Variants in EBF2 observed in about 807,000 individuals in gnomAD.
EBF2 encodes transcription factor COE2.
Under a neutral mutation model 72.8 loss-of-function variants are expected in EBF2, and 21 were observed. That is an observed-to-expected ratio of 0.29 (90% CI 0.20 to 0.42). EBF2 has a LOEUF of 0.42. EBF2 is among the 10% of genes least tolerant of loss of function. The probability of loss-of-function intolerance (pLI) is 1.00; values close to 1 mark genes in which losing one functional copy is unlikely to be tolerated. For missense variants in EBF2, 637 were observed against 731.2 expected (o/e 0.87, Z 1.49); for synonymous variants, 299 against 274.2 (o/e 1.09, Z -0.89).
intron 6 of EBF2, among the ~76,000 whole-genome samples, chr8:26,000,263 C>T (rs1804702847): frequency 6.6e-6 from 1 of 152,142 alleles, no homozygotes; most frequent in Non-Finnish European, 1.5e-5. Context: ...CACAGTTTGG[C>T]TTGCTCCATT....
intron 6 of EBF2, among the ~76,000 whole-genome samples, chr8:25,977,325 C>G (rs1170094769): frequency 6.6e-6 from 1 of 152,176 alleles, no homozygotes; most frequent in Non-Finnish European, 1.5e-5. Flanking sequence ...GCAGTAGACA[C>G]TTGAGCCCAG....
intron 13 of EBF2, among the ~76,000 whole-genome samples, chr8:25,859,475 C>A (rs898557398): frequency 2.0e-5 from 3 of 152,100 alleles, no homozygotes; most frequent in African/African-American, 7.2e-5. Flanking sequence ...TATTCTCTGA[C>A]CTAGGACTTT....
intron 6 of EBF2, among the ~76,000 whole-genome samples, chr8:25,936,119 T>C (rs777867657): frequency 1.8e-4 from 28 of 152,172 alleles, no homozygotes; most frequent in Non-Finnish European, 4.1e-4. Flanking sequence ...TATGAAATCA[T>C]GTGGAAGCAA....
chr8:25,978,446 A>C (rs992664843), intron 6 of EBF2, among the ~76,000 whole-genome samples: 4 of 152,224 alleles, frequency 2.6e-5, no homozygotes, highest in African/African-American at 9.6e-5. Context: ...CAAATAAATC[A>C]GGAATGCTAT....
At chr8:25,894,954 G>A (rs1407456868) in intron 7 of EBF2, among the ~76,000 whole-genome samples, 2 of 152,148 alleles carry the variant, frequency 1.3e-5, no homozygotes, top group Non-Finnish European at 2.9e-5. Flanking sequence ...ATGCCTCATC[G>A]TCTCCTGTCA....
Position 26,033,133 on chromosome 8 carries a change from C to G in EBF2, c.503G>C (p.Ser168Thr). 6.2e-7 allele frequency: 1 copy of G among 1,614,124 alleles called. No individual in the cohort carries two copies. Among genetic ancestry groups the G allele is most frequent in the Non-Finnish European group, 8.5e-7 (1 of 1,180,010 alleles). ...TGGAGTCTCATTTCGGTTTCCACAG[C>G]TTTTCTTTTCGCAGCATCGACTGTA... Reference protein sequence around the residue: ...VMCSRCCEKKSCGNRNETPSD... With the variant: ...VMCSRCCEKKTCGNRNETPSD... Residue 168 changes from serine to threonine, a missense_variant, in exon 6 of 16, where the codon AGC becomes ACC. By Grantham distance (58) the Ser-to-Thr change is moderately conservative. Around this residue, in one of 3 missense-constraint regions of EBF2, gnomAD observed 204 missense variants for 301.2 expected, o/e 0.68. Coordinates refer to ENST00000520164, the MANE Select transcript of EBF2 (RefSeq NM_022659.4).
intron 6 of EBF2, among the ~76,000 whole-genome samples, chr8:25,925,130 CG>C (rs1563402324): frequency 6.6e-6 from 1 of 151,972 alleles, no homozygotes. Context: ...CAGAACCAAG[CG>C]GGGCACTACA....
chr8:25,943,690 C>G (rs1313758358), intron 6 of EBF2, among the ~76,000 whole-genome samples: 1 of 152,092 alleles, frequency 6.6e-6, no homozygotes, highest in Non-Finnish European at 1.5e-5. Context: ...AACTCCTCGT[C>G]CCTTAAAACG....
At chr8:25,864,969 T>G (rs1357707017) in intron 10 of EBF2, among the ~76,000 whole-genome samples, 1 of 152,010 alleles carries the variant, frequency 6.6e-6, no homozygotes, top group African/African-American at 2.4e-5. Flanking sequence ...GGCTAAATTT[T>G]TTTTTGCATT....
At chr8:25,909,198 T>C (rs1803087138) in intron 6 of EBF2, among the ~76,000 whole-genome samples, 2 of 152,128 alleles carry the variant, frequency 1.3e-5, no homozygotes, top group African/African-American at 4.8e-5. Context: ...AGGTTAGCAT[T>C]TGTCATATAT....
At chr8:25,925,755 G>A (rs1008059925) in intron 6 of EBF2, among the ~76,000 whole-genome samples, 3 of 152,128 alleles carry the variant, frequency 2.0e-5, no homozygotes, top group East Asian at 1.9e-4. Flanking sequence ...TGTGAGTCAC[G>A]ATGGGCTGTG....
intron 6 of EBF2, among the ~76,000 whole-genome samples, chr8:26,011,326 G>A (rs1450800655): frequency 1.3e-5 from 2 of 152,202 alleles, no homozygotes; most frequent in Non-Finnish European, 2.9e-5. Flanking sequence ...AGCGATAGCA[G>A]CGACCAATCA....
At chr8:25,853,179 A>G (rs1802017685) in intron 14 of EBF2, among the ~76,000 whole-genome samples, 1 of 152,230 alleles carries the variant, frequency 6.6e-6, no homozygotes, top group African/African-American at 2.4e-5. Context: ...TAAAAGTGCT[A>G]GTAGAGCTGT....
chr8:25,859,870 C>T (rs1802178763), intron 13 of EBF2, among the ~76,000 whole-genome samples: 1 of 152,020 alleles, frequency 6.6e-6, no homozygotes, highest in Non-Finnish European at 1.5e-5. Context: ...ATGAGCACTA[C>T]CACACCTGGC....
intron 6 of EBF2, among the ~76,000 whole-genome samples, chr8:25,997,506 G>T (rs1804652943): frequency 6.6e-6 from 1 of 150,756 alleles, no homozygotes. Context: ...AGGAGGTTGA[G>T]ACTGCAGTGA....
intron 6 of EBF2, among the ~76,000 whole-genome samples, chr8:25,947,318 G>A (rs960126718): frequency 7.2e-5 from 11 of 152,182 alleles, no homozygotes; most frequent in Non-Finnish European, 1.5e-5. Context: ...TGTAAGATGT[G>A]ACTTTGCTCC....
At chr8:26,040,704 C>G in intron 3 of EBF2, 33 bp from the exon 4 acceptor site, 1 of 1,550,832 alleles carries the variant, frequency 6.4e-7, no homozygotes, top group South Asian at 1.2e-5. Flanking sequence ...AGTCAAGGGC[C>G]GTAGAGCCCC....
chr8:25,861,531 T>C (rs758621217), intron 11 of EBF2, among the ~76,000 whole-genome samples, 157 bp from the exon 12 acceptor site: 1 of 152,220 alleles, frequency 6.6e-6, no homozygotes, highest in Non-Finnish European at 1.5e-5. Context: ...TAGAATACAA[T>C]TGTACATGTA....
intron 6 of EBF2, among the ~76,000 whole-genome samples, chr8:25,978,986 G>A (rs1585214409): frequency 2.0e-5 from 3 of 152,234 alleles, no homozygotes; most frequent in African/African-American, 7.2e-5. Flanking sequence ...CTCAAACCAC[G>A]CAGCACCCTT....
Sources: allele counts gnomAD v4.1 joint callset (sites outside exome capture counted in the v4.1 genomes callset), GRCh38; gene constraint gnomAD v4.1.1; regional missense constraint gnomAD v4.1.1; transcripts MANE v1.5; gene names NCBI Gene and HGNC (gene_info 2026-07-23, HGNC 2026-07-21).